Variants in OPHN1 observed in about 807,000 individuals in gnomAD.
OPHN1 encodes oligophrenin 1.
OPHN1 carries 11 observed loss-of-function variants against 60.7 expected under a neutral mutation model. The ratio of observed to expected loss-of-function variants is 0.18; its 90% CI spans 0.11 to 0.30. OPHN1 has a LOEUF of 0.30. Among genes scored for constraint, OPHN1 ranks in the 10% least tolerant of loss-of-function variants. The probability of loss-of-function intolerance (pLI) is 1.00; values close to 1 mark genes in which losing one functional copy is unlikely to be tolerated. For missense variants in OPHN1, 449 were observed against 611.0 expected, an observed-to-expected ratio of 0.73 and a Z score of 2.80; for synonymous variants, 226 against 222.6, an observed-to-expected ratio of 1.02 and a Z score of -0.14.
chrX:68,254,681 A>G (rs751509999), intron 5 of OPHN1, among the ~76,000 whole-genome samples: 1 of 111,315 alleles, frequency 9.0e-6, no homozygotes, highest in East Asian at 2.8e-4. Context: ...CTTTGGTAAG[A>G]CATTTTTCTC....
chrX:68,226,065 G>A (rs900983023), intron 6 of OPHN1, among the ~76,000 whole-genome samples: 3 of 111,908 alleles, frequency 2.7e-5, no homozygotes, highest in African/African-American at 9.7e-5. Flanking sequence ...ACCAAGGCAT[G>A]AGAACTACAT....
intron 4 of OPHN1, among the ~76,000 whole-genome samples, chrX:68,278,624 G>A (rs1484512537): frequency 3.5e-5 from 4 of 113,568 alleles, no homozygotes; most frequent in Non-Finnish European, 5.6e-5. Context: ...AGTGGCTTGC[G>A]CCTGTAATCC....
chrX:68,418,088 A>G (rs1363440947), intron 2 of OPHN1, among the ~76,000 whole-genome samples: 2 of 112,459 alleles, frequency 1.8e-5, no homozygotes, highest in Non-Finnish European at 3.8e-5. Flanking sequence ...TTAAAGGCAT[A>G]TGGGTAAGAA....
At position 68,432,691 on chromosome X, in the gene OPHN1, T is replaced by C. The variant is rs2078891666; in HGVS notation, c.154+176A>G. 3.6e-5 allele frequency among the ~76,000 whole-genome samples: 4 copies of C among 111,768 alleles called. No homozygotes were observed. The South Asian group carries it at 1.5e-3, about 42-fold the overall frequency. On this transcript the variant is annotated intron_variant, in intron 2 of 24. Transcript: ENST00000355520. ...AAAGGAAAAGGCCCAAAGTTCTGGTTGTATCCACCACTTTCCACTTCTACT... is the reference window on the plus strand; with the variant it reads ...AAAGGAAAAGGCCCAAAGTTCTGGTCGTATCCACCACTTTCCACTTCTACT...
At chrX:68,106,142 C>CTA (rs2077081027) in intron 18 of OPHN1, among the ~76,000 whole-genome samples, 1 of 101,398 alleles carries the variant, frequency 9.9e-6, no homozygotes, top group Non-Finnish European at 2.0e-5. Context: ...AAAACCTGAA[C>CTA]TATATTAACA....
chrX:68,340,339 T>A (rs1263071197), intron 2 of OPHN1, among the ~76,000 whole-genome samples: 1 of 112,505 alleles, frequency 8.9e-6, no homozygotes, highest in Admixed American at 9.5e-5. Flanking sequence ...ATCATGACTA[T>A]GTGGTCTTGG....
At chrX:68,111,616 T>C (rs1399524381) in intron 18 of OPHN1, among the ~76,000 whole-genome samples, 1 of 111,865 alleles carries the variant, frequency 8.9e-6, no homozygotes, top group Non-Finnish European at 1.9e-5. Context: ...GCAAAGCCTG[T>C]GTCCACCCCA....
At position 68,411,549 on chromosome X, in the gene OPHN1, T is replaced by C. The variant is rs192026539; in HGVS notation, c.154+21318A>G. On this transcript the variant is annotated intron_variant, in intron 2 of 24. Coordinates refer to ENST00000355520, the MANE Select transcript of OPHN1 (RefSeq NM_002547.3). Reference sequence around the variant, plus strand: ...TGCTGAGCATTTTTTCATAGGCTTGTTGGCCCCGTATATGTCTTCTTTTGA... The same window carrying C: ...TGCTGAGCATTTTTTCATAGGCTTGCTGGCCCCGTATATGTCTTCTTTTGA... Among the ~76,000 whole-genome samples the C allele has an allele frequency of 2.3e-3, 259 of 112,503 alleles. 2 individuals are homozygous for C. Among genetic ancestry groups the C allele is most frequent in the African/African-American group, 8.0e-3 (248 of 31,062 alleles).
chrX:68,206,815 T>A, intron 9 of OPHN1, 142 bp from the exon 10 acceptor site: 1 of 499,716 alleles, frequency 2.0e-6, no homozygotes, highest in South Asian at 2.8e-5. Context: ...ACCGCCCTCC[T>A]TCCATAGCCA....
intron 2 of OPHN1, among the ~76,000 whole-genome samples, chrX:68,344,544 A>C (rs760106461): frequency 1.6e-4 from 18 of 109,257 alleles, no homozygotes; most frequent in Non-Finnish European, 3.2e-4. Context: ...CCCAGGAGGC[A>C]GAGGTTGTAC....
At chrX:68,165,172 TCACTGGAGTAG>T (rs2077352258) in intron 15 of OPHN1, among the ~76,000 whole-genome samples, 1 of 112,150 alleles carries the variant, frequency 8.9e-6, no homozygotes, top group African/African-American at 3.2e-5. Context: ...ATTTGTGTCT[TCACTGGAGTAG>T]CACTTTTAAC....
chrX:68,423,412 C>T (rs1054896050), intron 2 of OPHN1, among the ~76,000 whole-genome samples: 8 of 110,377 alleles, frequency 7.2e-5, no homozygotes, highest in Non-Finnish European at 1.5e-4. Flanking sequence ...AAGACAAGCG[C>T]CTGTCACCTG....
intron 2 of OPHN1, among the ~76,000 whole-genome samples, chrX:68,328,444 TAA>T (rs2078278991): frequency 8.9e-6 from 1 of 112,813 alleles, no homozygotes; most frequent in Non-Finnish European, 1.9e-5. Flanking sequence ...TTTAAACTTT[TAA>T]AAGAACACAA....
rs773621759 is a variant in OPHN1 at position 68,075,090 on chromosome X, G to A, written c.1687-1791C>T. Among the ~76,000 whole-genome samples the A allele has an allele frequency of 2.7e-5, 3 of 112,463 alleles. No homozygotes were observed. In the East Asian group the frequency reaches 8.4e-4, roughly 32 times the overall value. On this transcript the variant is annotated intron_variant, in intron 19 of 24. Transcript: ENST00000355520. ...ATGCAACAGTAGTTTTAAAGGCATTGGAAATCCAGCAGTGAAGGACAGTGA... is the reference window on the plus strand; with the variant it reads ...ATGCAACAGTAGTTTTAAAGGCATTAGAAATCCAGCAGTGAAGGACAGTGA...
At chrX:68,050,365 A>G (rs763747185) in intron 23 of OPHN1, among the ~76,000 whole-genome samples, 1 of 112,100 alleles carries the variant, frequency 8.9e-6, no homozygotes, top group East Asian at 2.8e-4. Context: ...AAGCCCAGAC[A>G]TAGGGTGGGT....
At chrX:68,275,489 C>T (rs956684295) in intron 4 of OPHN1, among the ~76,000 whole-genome samples, 1 of 111,198 alleles carries the variant, frequency 9.0e-6, no homozygotes. Context: ...TCATATAAAC[C>T]TCTTATGAGA....
chrX:68,250,136 A>G (rs1443053159), intron 5 of OPHN1, among the ~76,000 whole-genome samples: 1 of 112,309 alleles, frequency 8.9e-6, no homozygotes, highest in Non-Finnish European at 1.9e-5. Context: ...CTCTTTTCCT[A>G]TGTTAGACAG....
chrX:68,090,861 G>A (rs957840313), intron 19 of OPHN1, among the ~76,000 whole-genome samples: 13 of 111,401 alleles, frequency 1.2e-4, no homozygotes, highest in Admixed American at 8.6e-4. Flanking sequence ...GACATACACC[G>A]ATAATAGATT....
chrX:68,264,802 C>T (rs1046577336), intron 5 of OPHN1, among the ~76,000 whole-genome samples: 1 of 112,139 alleles, frequency 8.9e-6, no homozygotes, highest in East Asian at 2.8e-4. Context: ...GACAGACAGC[C>T]CCTGGAAAAT....
Sources: gnomAD v4.1 joint callset for allele counts (sites outside exome capture counted in the v4.1 genomes callset) on GRCh38, gnomAD v4.1.1 for gene constraint, MANE v1.5 for transcripts, NCBI Gene and HGNC (gene_info 2026-07-23, HGNC 2026-07-21) for gene names.